The following CCER2 variants were observed in gnomAD, a reference collection of about 807,000 sequenced individuals.
The protein encoded by CCER2 is coiled-coil domain-containing glutamate-rich protein 2.
Under a neutral mutation model 27.1 loss-of-function variants are expected in CCER2, and 20 were observed. The observed-to-expected ratio is 0.74, with a 90% CI of 0.52 to 1.07. The LOEUF (loss-of-function observed/expected upper bound fraction) is 1.07. Among genes scored for constraint, CCER2 ranks in the 50% least tolerant of loss-of-function variants. The pLI, the probability that CCER2 is intolerant of heterozygous loss-of-function variation, is 0.00. For missense variants in CCER2, 351 were observed against 344.7 expected (o/e 1.02, Z -0.14); for synonymous variants, 140 against 144.3 (o/e 0.97, Z 0.21).
At chr19:38,909,874 A>ATT (rs59235252) in intron 4 of CCER2, among the ~76,000 whole-genome samples, 1 of 137,656 alleles carries the variant, frequency 7.3e-6, no homozygotes, top group Non-Finnish European at 1.6e-5. Flanking sequence ...ATGCCCAGCC[A>ATT]TTTTTTTTTT....
rs914728740 is a variant in CCER2 at position 38,910,573 on chromosome 19, G to A, written c.701C>T (p.Ser234Leu). 5.4e-6 allele frequency: 8 copies of A among 1,481,474 alleles called. No homozygotes were observed. Among genetic ancestry groups the A allele is most frequent in the South Asian group, 1.3e-5 (1 of 76,262 alleles). 91.8% of individuals were successfully genotyped at this position (1,481,474 alleles called of 1,614,324 possible). ...CATCCCCCTACTCACCTCCCTCTCC[G>A]AAGCCTCCTCCTTCTCCTGCCTGGG... Reference protein sequence around the residue: ...AEPRQEKEEASEREEKEVEQL... With the variant: ...AEPRQEKEEALEREEKEVEQL... Residue 234 changes from serine (S) to leucine (L), a missense_variant, in exon 4 of 5, where the codon TCG becomes TTG. Physicochemically the swap from Ser to Leu is moderately radical, Grantham distance 145. Coordinates refer to ENST00000571838, the MANE Select transcript of CCER2 (RefSeq NM_001243212.2).
chr19:38,912,063 T>C, intron 1 of CCER2, 35 bp downstream of exon 1: 4 of 1,522,620 alleles, frequency 2.6e-6, no homozygotes, highest in Non-Finnish European at 3.5e-6. Context: ...CCCCGGCCCC[T>C]GGCAGGTCCC....
chr19:38,910,255 G>A (rs1404487306), intron 4 of CCER2, among the ~76,000 whole-genome samples: 2 of 152,216 alleles, frequency 1.3e-5, no homozygotes, highest in Non-Finnish European at 2.9e-5. Context: ...GTGTCTGTCT[G>A]TCACCTAGTG....
At chr19:38,909,454 G>A (rs933940768) in intron 4 of CCER2, 129 bp from the exon 5 acceptor site, 20 of 842,798 alleles carry the variant, frequency 2.4e-5, no homozygotes, top group East Asian at 5.3e-5. Flanking sequence ...GTCGTGGACC[G>A]CGATGGTGAC....
chr19:38,911,313 G>A (rs1974304051), intron 3 of CCER2, among the ~76,000 whole-genome samples: 1 of 152,234 alleles, frequency 6.6e-6, no homozygotes, highest in African/African-American at 2.4e-5. Context: ...ATCCCACCTG[G>A]GAGGGGATGT....
chr19:38,910,982 G>T lies in CCER2; in HGVS notation c.292C>A (p.Gln98Lys), dbSNP rs975632348. 1.3e-5 allele frequency: 19 copies of T among 1,512,388 alleles called. No homozygotes were observed. Among genetic ancestry groups the T allele is most frequent in the Non-Finnish European group, 2.6e-6 (3 of 1,136,394 alleles). 93.7% of individuals were successfully genotyped at this position (1,512,388 alleles called of 1,614,324 possible). The change falls in exon 4 of 5, where the codon CAG (glutamine) becomes AAG (lysine). Residue 98 changes from glutamine (Q) to lysine (K), a missense_variant. Physicochemically the swap from Gln to Lys is moderately conservative, Grantham distance 53. Transcript: ENST00000571838. ...KQEAGKMRSS[Q>K]EVRDEEEEEV... ...TCCTCTTCCTCATCCCTCACCTCCT[G>T]GCTGGACCTCATCTTCCCAGCCTCC...
At chr19:38,909,711 T>A (rs774774399) in intron 4 of CCER2, among the ~76,000 whole-genome samples, 29 of 152,058 alleles carry the variant, frequency 1.9e-4, no homozygotes, top group South Asian at 2.1e-4. Context: ...TAGCTGGGAT[T>A]ACAGGCATGC....
chr19:38,909,444 G>T, intron 4 of CCER2, 119 bp from the exon 5 acceptor site: 1 of 911,796 alleles, frequency 1.1e-6, no homozygotes, highest in Non-Finnish European at 1.7e-6. Flanking sequence ...CGTTCTGATC[G>T]TCGTGGACCG....
At chr19:38,910,452 G>T in intron 4 of CCER2, 111 bp downstream of exon 4, 1 of 1,382,250 alleles carries the variant, frequency 7.2e-7, no homozygotes. Context: ...CACTAGTGAT[G>T]GATCTGGTGG....
In CCER2 at chr19:38,910,545, C is replaced by T. The variant is rs966959646; in HGVS notation, c.711+18G>A. The T allele has an allele frequency of 3.4e-6, 5 of 1,453,542 alleles. No individual in the cohort carries two copies. The highest frequency in any genetic ancestry group is 4.5e-6 in the Non-Finnish European group (5 of 1,104,146). 90.0% of individuals were successfully genotyped at this position (1,453,542 alleles called of 1,614,324 possible). A position where few individuals can be genotyped will look rare whatever the true frequency, so the allele number is the denominator to read the frequency against. ...CCTCCAAACTGTGTTGGTGTTCCTC[C>T]TTCATCCCCCTACTCACCTCCCTCT... On this transcript the variant is annotated intron_variant, in intron 4 of 4. Coordinates refer to ENST00000571838, the MANE Select transcript of CCER2 (RefSeq NM_001243212.2).
intron 4 of CCER2, among the ~76,000 whole-genome samples, chr19:38,909,701 T>C (rs1256338333): frequency 3.9e-5 from 6 of 152,104 alleles, no homozygotes; most frequent in African/African-American, 1.4e-4. Flanking sequence ...GCCTCCCGAG[T>C]AGCTGGGATT....
At position 38,911,861 on chromosome 19, in the gene CCER2, A is replaced by C. The variant is rs1056076838; in HGVS notation, c.62-9T>G. On this transcript the variant is annotated splice_polypyrimidine_tract_variant and intron_variant, in intron 1 of 4. Coordinates refer to ENST00000571838, the MANE Select transcript of CCER2 (RefSeq NM_001243212.2). ...CAAGGGAGCAGCGGTGGCTGTGGAG[A>C]AAGGAGATGGCACTGGGCTTTGCCG... The C allele has an allele frequency of 2.6e-6, 4 of 1,534,672 alleles. No individual in the cohort carries two copies. The Admixed American group carries it at 7.8e-5, about 30-fold the overall frequency.
intron 4 of CCER2, among the ~76,000 whole-genome samples, chr19:38,909,781 C>T (rs1446041592): frequency 6.6e-6 from 1 of 151,900 alleles, no homozygotes; most frequent in Non-Finnish European, 1.5e-5. Context: ...ACCATGTTGG[C>T]CAGGCTGGTC....
intron 4 of CCER2, among the ~76,000 whole-genome samples, chr19:38,909,563 C>T (rs1329359400): frequency 1.3e-5 from 2 of 152,068 alleles, no homozygotes; most frequent in Non-Finnish European, 2.9e-5. Context: ...GGATGAGCAC[C>T]TCGTGATGGC....
chr19:38,910,028 T>C (rs577410502), intron 4 of CCER2, among the ~76,000 whole-genome samples: 368 of 152,194 alleles, frequency 2.4e-3, no homozygotes, highest in Non-Finnish European at 4.0e-3. Context: ...TGCGCCACCA[T>C]TGCTGGCTAA....
rs1974307460 is a variant in CCER2 at position 38,911,505 on chromosome 19, G to C, written c.190+61C>G. 5.0e-6 allele frequency: 7 copies of C among 1,386,322 alleles called. No homozygotes were observed. In the South Asian group the frequency reaches 6.2e-5, roughly 12 times the overall value. The allele number at this position is 1,386,322 out of a possible 1,614,324, so 85.9% of individuals were successfully genotyped here. On this transcript the variant is annotated intron_variant, in intron 3 of 4. Transcript: ENST00000571838. ...TGTGGGCACCTGGGCAGGACCCTGG[G>C]TGGGGTAGGGTAGGGTCCCATGGGG... is the stretch of plus-strand genomic sequence containing the variant.
rs1369026665 is a variant in CCER2, at chr19:38,911,044, TCGGTGGAC to T, written c.222_229del (p.Ser75GlyfsTer26). ...ATCCCCAAGCAGCAGGCCTTTCTCCTCGGTGGACGCACAGCCGTGGGGCTCTGTCCCGC... is the reference window on the plus strand; with the variant it reads ...ATCCCCAAGCAGCAGGCCTTTCTCCTGCACAGCCGTGGGGCTCTGTCCCGC... On this transcript the variant is annotated frameshift_variant, in exon 4 of 5. Coordinates refer to ENST00000571838, the MANE Select transcript of CCER2 (RefSeq NM_001243212.2). LOFTEE classifies it high-confidence loss of function. 7 of 1,466,136 alleles carry T rather than the reference TCGGTGGAC, an allele frequency of 4.8e-6. No individual in the cohort carries two copies. In the East Asian group the frequency reaches 1.5e-4, roughly 31 times the overall value. 90.8% of individuals were successfully genotyped at this position (1,466,136 alleles called of 1,614,324 possible).
Position 38,908,993 on chromosome 19 carries a change from G to A in CCER2, c.*243C>T, listed in dbSNP as rs1974244862. ...ACGGAGGCAGGGTGCGTTTCTTTGT[G>A]CTTTATTCACTCAGAAGGGTTGGAG... On this transcript the variant is annotated 3_prime_UTR_variant, in exon 5 of 5. Transcript: ENST00000571838. 2 of 1,167,408 alleles carry A rather than the reference G, an allele frequency of 1.7e-6. No individual in the cohort carries two copies. The highest frequency in any genetic ancestry group is 5.1e-5 in the East Asian group (2 of 39,012). 72.3% of individuals were successfully genotyped at this position (1,167,408 alleles called of 1,614,324 possible). A position where few individuals can be genotyped will look rare whatever the true frequency, so the allele number is the denominator to read the frequency against.
At chr19:38,911,347 G>A (rs150063320) in intron 3 of CCER2, among the ~76,000 whole-genome samples, 6 of 152,328 alleles carry the variant, frequency 3.9e-5, no homozygotes, top group African/African-American at 1.4e-4. Flanking sequence ...TGGCCCCTCT[G>A]CAGGGAACCA....
Sources: gnomAD v4.1 joint callset for allele counts (sites outside exome capture counted in the v4.1 genomes callset) on GRCh38, gnomAD v4.1.1 for gene constraint, MANE v1.5 for transcripts, NCBI Gene and HGNC (gene_info 2026-07-23, HGNC 2026-07-21) for gene names.